The following YTHDC1 variants were observed in gnomAD, a reference collection of about 807,000 sequenced individuals.
The protein encoded by YTHDC1 is YTH N6-methyladenosine RNA binding protein C1.
In YTHDC1, 12 loss-of-function variants were observed where a neutral mutation model predicts 107.0. The observed-to-expected ratio is 0.11, with a 90% CI of 0.07 to 0.18. YTHDC1 has a LOEUF of 0.18. Among genes scored for constraint, YTHDC1 ranks in the 10% least tolerant of loss-of-function variants. The probability of loss-of-function intolerance (pLI) is 1.00; values close to 1 mark genes in which losing one functional copy is unlikely to be tolerated. For synonymous variants in YTHDC1, 280 were observed against 289.5 expected (o/e 0.97, Z 0.33); for missense variants, 635 against 898.8 (o/e 0.71, Z 3.75).
At chr4:68,333,565 T>C (rs916911638) in intron 4 of YTHDC1, among the ~76,000 whole-genome samples, 168 bp from the exon 5 acceptor site, 1 of 152,186 alleles carries the variant, frequency 6.6e-6, no homozygotes, top group Non-Finnish European at 1.5e-5. Flanking sequence ...TTAAAAATAC[T>C]GTTTAAAAAG....
chr4:68,317,590 T>A (rs1722002168), intron 15 of YTHDC1, among the ~76,000 whole-genome samples: 2 of 152,200 alleles, frequency 1.3e-5, no homozygotes. Flanking sequence ...AATTCAGTTT[T>A]CTTAAAGGAA....
At chr4:68,335,995 G>A (rs1724115300) in intron 4 of YTHDC1, among the ~76,000 whole-genome samples, 1 of 146,170 alleles carries the variant, frequency 6.8e-6, no homozygotes, top group Admixed American at 6.9e-5. Flanking sequence ...TATCCATATA[G>A]TATAAATATA....
chr4:68,343,503 T>TA lies in YTHDC1; in HGVS notation c.29-5120dup, dbSNP rs372596890. On this transcript the variant is annotated intron_variant, in intron 1 of 16. Coordinates refer to ENST00000344157, the MANE Select transcript of YTHDC1 (RefSeq NM_001031732.4). ...AGGCATGAGCCACCGTGCCCGGCCTTAAAAAATCACTTAAAATCTTTAAAA... is the reference window on the plus strand; with the variant it reads ...AGGCATGAGCCACCGTGCCCGGCCTTAAAAAAATCACTTAAAATCTTTAAAA... 2.9e-3 allele frequency among the ~76,000 whole-genome samples: 407 copies of TA among 141,798 alleles called. 1 individual carries two copies. The highest frequency in any genetic ancestry group is 7.9e-3 in the African/African-American group (304 of 38,516). The allele number at this position is 141,798 out of a possible 152,430, so 93.0% of individuals were successfully genotyped here. A position where few individuals can be genotyped will look rare whatever the true frequency, so the allele number is the denominator to read the frequency against.
intron 4 of YTHDC1, 70 bp downstream of exon 4, chr4:68,336,952 ATAATT>A: frequency 6.6e-7 from 1 of 1,504,638 alleles, no homozygotes; most frequent in Non-Finnish European, 8.9e-7. Flanking sequence ...CAACAATTTT[ATAATT>A]TAAACATTTT....
chr4:68,326,057 T>C (rs1391347012), intron 9 of YTHDC1, among the ~76,000 whole-genome samples: 1 of 152,158 alleles, frequency 6.6e-6, no homozygotes, highest in Admixed American at 6.5e-5. Flanking sequence ...ATTTTTCTTC[T>C]AATTGCCAGT....
intron 4 of YTHDC1, 138 bp from the exon 5 acceptor site, chr4:68,333,535 T>C: frequency 1.8e-6 from 1 of 541,228 alleles, no homozygotes; most frequent in Non-Finnish European, 3.3e-6. Flanking sequence ...GATCCCTCAA[T>C]TTCCTCAGAA....
rs1408174068 is a variant in YTHDC1 at position 68,337,052 on chromosome 4, T to C, written c.858A>G (p.Arg286=). ...CTGATCCATCTGTGCCTGAACCAGA[T>C]CTGACAGACCCATCTGTGAAGGAAA... ...ESVSFTDGSV[R]SGSGTDGSDE... is the part of the protein sequence containing the mutation. The change falls in exon 4 of 17, where the codon AGA becomes AGG. Residue 286 remains arginine (R), a synonymous_variant. Transcript: ENST00000344157. 8 of 1,612,952 alleles carry C rather than the reference T, an allele frequency of 5.0e-6. No homozygotes were observed. The highest frequency in any genetic ancestry group is 1.3e-5 in the African/African-American group (1 of 74,918).
chr4:68,336,135 A>C (rs1372957744), intron 4 of YTHDC1, among the ~76,000 whole-genome samples: 4 of 150,432 alleles, frequency 2.7e-5, no homozygotes, highest in Non-Finnish European at 4.4e-5. Context: ...ATATAAAACA[A>C]TGTACTATTA....
At position 68,347,612 on chromosome 4, in the gene YTHDC1, TAG is replaced by T. The variant is rs201844657; in HGVS notation, c.28+2112_28+2113del. On this transcript the variant is annotated intron_variant, in intron 1 of 16. Transcript: ENST00000344157. The stretch of plus-strand genomic sequence containing the variant: ...TATAATTGCCAATTTCTGCAACTTA[TAG>T]ACTCATTTGCTATCAAGATCTTAAA... Among the ~76,000 whole-genome samples, 1,241 of 152,336 alleles carry T rather than the reference TAG, an allele frequency of 8.1e-3. 17 individuals are homozygous for T. Among genetic ancestry groups the T allele is most frequent in the African/African-American group, 0.025 (1,046 of 41,582 alleles).
In YTHDC1 at chr4:68,349,890, T is replaced by A; in HGVS notation, c.-137A>T. 8.5e-7 allele frequency: 1 copy of A among 1,174,632 alleles called. No homozygotes were observed. Among genetic ancestry groups the A allele is most frequent in the Non-Finnish European group, 1.2e-6 (1 of 808,464 alleles). 72.8% of individuals were successfully genotyped at this position (1,174,632 alleles called of 1,614,324 possible). ...GATACGCGCGTCGCACTTGGCCTCT[T>A]AACACTCAGCCTTCTCGACTCTTCC... On this transcript the variant is annotated 5_prime_UTR_variant, in exon 1 of 17. Coordinates refer to ENST00000344157, the MANE Select transcript of YTHDC1 (RefSeq NM_001031732.4).
chr4:68,344,627 G>A (rs926436390), intron 1 of YTHDC1, among the ~76,000 whole-genome samples: 1 of 152,180 alleles, frequency 6.6e-6, no homozygotes, highest in Admixed American at 6.5e-5. Context: ...ATTCCTCCGT[G>A]AAAGTATAAT....
At chr4:68,325,326 A>G (rs1471181618) in intron 9 of YTHDC1, among the ~76,000 whole-genome samples, 1 of 152,198 alleles carries the variant, frequency 6.6e-6, no homozygotes, top group Non-Finnish European at 1.5e-5. Flanking sequence ...AAGAAAAATA[A>G]TCACAAAATG....
chr4:68,338,713 G>A (rs1275974917), intron 1 of YTHDC1, among the ~76,000 whole-genome samples: 1 of 152,182 alleles, frequency 6.6e-6, no homozygotes, highest in Non-Finnish European at 1.5e-5. Flanking sequence ...AGCAGGGCAT[G>A]GTGGCACATG....
chr4:68,318,772 T>A lies in YTHDC1; in HGVS notation c.1722-43A>T, dbSNP rs1173799109. ...TGTGAAACTAAATTCAGGTAATTCA[T>A]AAACTAGTTCCAAGAATGTAATTCA... is the stretch of plus-strand genomic sequence containing the variant. On this transcript the variant is annotated intron_variant, in intron 13 of 16. Transcript: ENST00000344157. 3 of 1,614,124 alleles carry A rather than the reference T, an allele frequency of 1.9e-6. No individual in the cohort carries two copies. The South Asian group carries it at 3.3e-5, about 18-fold the overall frequency.
intron 10 of YTHDC1, 24 bp downstream of exon 10, chr4:68,324,115 A>C: frequency 6.3e-7 from 1 of 1,590,974 alleles, no homozygotes. Flanking sequence ...GTGTTTTTTT[A>C]AAGAATCAAT....
Position 68,349,972 on chromosome 4 carries a change from C to T in YTHDC1, c.-219G>A, listed in dbSNP as rs971945282. 2.5e-5 allele frequency: 16 copies of T among 652,934 alleles called. No homozygotes were observed. Among genetic ancestry groups the T allele is most frequent in the Non-Finnish European group, 3.9e-5 (15 of 381,948 alleles). The allele number at this position is 652,934 out of a possible 1,614,324, so 40.4% of individuals were successfully genotyped here. On this transcript the variant is annotated 5_prime_UTR_variant, in exon 1 of 17. Transcript: ENST00000344157. The stretch of plus-strand genomic sequence containing the variant: ...CAGCATCCAGCGGCCTAGGCCCAGC[C>T]TTCTCGTTAGGGCTCAGACTCGGGC...
At chr4:68,316,149 G>C in intron 16 of YTHDC1, 165 bp downstream of exon 16, 1 of 764,214 alleles carries the variant, frequency 1.3e-6, no homozygotes, top group Non-Finnish European at 2.0e-6. Flanking sequence ...TAATCCAAAG[G>C]GGCATAATCA....
rs1227374318 is a variant in YTHDC1, at chr4:68,336,599, CTGTT to C, written c.883+424_883+427del. Among the ~76,000 whole-genome samples, 3 of 152,132 alleles carry C rather than the reference CTGTT, an allele frequency of 2.0e-5. No homozygotes were observed. The East Asian group carries it at 5.8e-4, about 29-fold the overall frequency. On this transcript the variant is annotated intron_variant, in intron 4 of 16. Coordinates refer to ENST00000344157, the MANE Select transcript of YTHDC1 (RefSeq NM_001031732.4). The stretch of plus-strand genomic sequence containing the variant: ...CTCCCAGAGATAAAAAAGAAATAAT[CTGTT>C]TTGATTCTGAAGCCATATGATGGAA...
At position 68,338,267 on chromosome 4, in the gene YTHDC1, T is replaced by A; in HGVS notation, c.130+16A>T. On this transcript the variant is annotated intron_variant, in intron 2 of 16. Coordinates refer to ENST00000344157, the MANE Select transcript of YTHDC1 (RefSeq NM_001031732.4). ...TATACTGTTATTTCAACAAAAATAA[T>A]AGAACTCTTACATACCCTTTTTCTC... 2 of 1,575,048 alleles carry A rather than the reference T, an allele frequency of 1.3e-6. No individual in the cohort carries two copies. Among genetic ancestry groups the A allele is most frequent in the Non-Finnish European group, 1.7e-6 (2 of 1,155,754 alleles).
Sources: allele counts gnomAD v4.1 joint callset (sites outside exome capture counted in the v4.1 genomes callset), GRCh38; gene constraint gnomAD v4.1.1; transcripts MANE v1.5; gene names NCBI Gene and HGNC (gene_info 2026-07-23, HGNC 2026-07-21).